STK17B: variants seen among roughly 807,000 people sequenced by gnomAD.
STK17B encodes the protein serine/threonine kinase 17b.
A neutral mutation model predicts 42.0 loss-of-function variants in STK17B; 21 were observed. The observed-to-expected ratio is 0.50, with a 90% CI of 0.35 to 0.72. The LOEUF (loss-of-function observed/expected upper bound fraction) is 0.72, where lower values mean the gene tolerates loss of function less well. STK17B is among the 30% of genes least tolerant of loss of function. The pLI, the probability that STK17B is intolerant of heterozygous loss-of-function variation, is 0.00. For synonymous variants in STK17B, 143 were observed against 148.4 expected, an observed-to-expected ratio of 0.96 and a Z score of 0.26; for missense variants, 349 against 446.0, an observed-to-expected ratio of 0.78 and a Z score of 1.96.
At position 196,136,860 on chromosome 2, in the gene STK17B, T is replaced by A. The variant is rs982194601; in HGVS notation, c.*587A>T. 1 of 152,278 alleles carries A rather than the reference T, an allele frequency of 6.6e-6. No individual in the cohort carries two copies. The highest frequency in any genetic ancestry group is 6.5e-5 in the Admixed American group (1 of 15,286). 9.4% of individuals were successfully genotyped at this position (152,278 alleles called of 1,614,324 possible). On this transcript the variant is annotated 3_prime_UTR_variant, in exon 8 of 8. Coordinates refer to ENST00000263955, the MANE Select transcript of STK17B (RefSeq NM_004226.4). ...CAGGTTTCTAACTCCCTCTTTGCTC[T>A]AGTTAAAGGATCTCTCTCATATAAC...
Position 196,156,629 on chromosome 2 carries a change from G to A in STK17B, c.145C>T (p.Gln49Ter), listed in dbSNP as rs1449036129. The change falls in exon 3 of 8, where the codon CAA becomes TAA. Residue 49 changes from glutamine (Q) to a stop codon, truncating the protein, a stop_gained. Transcript: ENST00000263955. LOFTEE classifies it high-confidence loss of function. Reference sequence around the variant, plus strand: ...TGGCCAGTAGATTTTGATATACATTGTCTAACCACAGCAAATTTTCCTCTG... The same window carrying A: ...TGGCCAGTAGATTTTGATATACATTATCTAACCACAGCAAATTTTCCTCTG... ...LGRGKFAVVRQCISKSTGQEY... is the reference protein window; with the variant it reads ...LGRGKFAVVR 6.2e-7 allele frequency: 1 copy of A among 1,611,866 alleles called. No individual in the cohort carries two copies. The highest frequency in any genetic ancestry group is 1.1e-5 in the South Asian group (1 of 90,592).
chr2:196,139,183 C>T (rs1699454588), intron 7 of STK17B, among the ~76,000 whole-genome samples: 3 of 151,946 alleles, frequency 2.0e-5, no homozygotes, highest in Admixed American at 2.0e-4. Flanking sequence ...CCAGGAGGGT[C>T]TCAATCTCCT....
At chr2:196,159,030 A>AC (rs1350542025) in intron 2 of STK17B, among the ~76,000 whole-genome samples, 2 of 151,888 alleles carry the variant, frequency 1.3e-5, no homozygotes, top group Admixed American at 1.3e-4. Context: ...AAAAACAAAA[A>AC]AACAGTTTTG....
intron 2 of STK17B, among the ~76,000 whole-genome samples, chr2:196,161,851 G>GCATCCAA (rs1313542890): frequency 6.6e-6 from 1 of 152,032 alleles, no homozygotes; most frequent in African/African-American, 2.4e-5. Context: ...AAGAAAGGCT[G>GCATCCAA]CATCCAACAT....
chr2:196,169,785 A>G (rs184313928), intron 1 of STK17B, among the ~76,000 whole-genome samples: 2 of 152,206 alleles, frequency 1.3e-5, no homozygotes, highest in Non-Finnish European at 2.9e-5. Context: ...CAACCATTCT[A>G]TTCACACACA....
chr2:196,138,382 C>T (rs1350940677), intron 7 of STK17B, among the ~76,000 whole-genome samples: 1 of 152,110 alleles, frequency 6.6e-6, no homozygotes, highest in Non-Finnish European at 1.5e-5. Context: ...ATGGATACAC[C>T]ATAATTTATT....
chr2:196,155,210 A>G (rs1273639062), intron 3 of STK17B, among the ~76,000 whole-genome samples: 3 of 152,256 alleles, frequency 2.0e-5, no homozygotes, highest in African/African-American at 7.2e-5. Flanking sequence ...TTTAAAGGTC[A>G]GCTGAAGAAT....
At chr2:196,146,204 A>G (rs1239056959) in intron 3 of STK17B, 149 bp from the exon 4 acceptor site, 1 of 889,556 alleles carries the variant, frequency 1.1e-6, no homozygotes. Flanking sequence ...GAGATCTTTA[A>G]GGAAAAAAAT....
chr2:196,151,081 G>A (rs902691093), intron 3 of STK17B, among the ~76,000 whole-genome samples: 1 of 152,170 alleles, frequency 6.6e-6, no homozygotes, highest in African/African-American at 2.4e-5. Context: ...ATCCTTTTCT[G>A]TTGGGTACTT....
At chr2:196,160,964 A>C (rs1699803750) in intron 2 of STK17B, among the ~76,000 whole-genome samples, 2 of 152,238 alleles carry the variant, frequency 1.3e-5, no homozygotes, top group Non-Finnish European at 2.9e-5. Context: ...AATACTTTAT[A>C]GATTTTTTAG....
Position 196,145,951 on chromosome 2 carries a change from TAA to T in STK17B, c.438_439del (p.Tyr147LeufsTer6). 6.2e-7 allele frequency: 1 copy of T among 1,600,104 alleles called. No homozygotes were observed. Among genetic ancestry groups the T allele is most frequent in the Non-Finnish European group, 8.5e-7 (1 of 1,176,570 alleles). On this transcript the variant is annotated frameshift_variant, in exon 4 of 8. Transcript: ENST00000263955. LOFTEE classifies it high-confidence loss of function. ...TACAATGTTATTCTGATGTAGATAATAAACTCCTTCAAGTATTTGTTTAATGA... is the reference window on the plus strand; with the variant it reads ...TACAATGTTATTCTGATGTAGATAATACTCCTTCAAGTATTTGTTTAATGA...
At chr2:196,154,727 A>C (rs1699716312) in intron 3 of STK17B, 1 of 152,228 alleles carries the variant, frequency 6.6e-6, no homozygotes, top group East Asian at 1.9e-4. Context: ...CACACTACTA[A>C]AACAACTAAA....
At position 196,136,269 on chromosome 2, in the gene STK17B, C is replaced by G. The variant is rs1462983770; in HGVS notation, c.*1178G>C. Reference sequence around the variant, plus strand: ...CCCCATCATTAGGGCTGGATATAGTCTCTAGCCATAAGCAAACATTTTGCT... The same window carrying G: ...CCCCATCATTAGGGCTGGATATAGTGTCTAGCCATAAGCAAACATTTTGCT... On this transcript the variant is annotated 3_prime_UTR_variant, in exon 8 of 8. Coordinates refer to ENST00000263955, the MANE Select transcript of STK17B (RefSeq NM_004226.4). 2.6e-5 allele frequency: 4 copies of G among 152,174 alleles called. No individual in the cohort carries two copies. The highest frequency in any genetic ancestry group is 1.9e-4 in the East Asian group (1 of 5,194). 9.4% of individuals were successfully genotyped at this position (152,174 alleles called of 1,614,324 possible).
intron 1 of STK17B, among the ~76,000 whole-genome samples, chr2:196,169,704 C>T (rs1007006281): frequency 1.3e-5 from 2 of 152,154 alleles, no homozygotes; most frequent in African/African-American, 2.4e-5. Flanking sequence ...AGTCAAACCT[C>T]CAACTTCCTA....
chr2:196,134,419 C>G lies in STK17B; in HGVS notation c.*3028G>C, dbSNP rs1402567941. 1.4e-4 allele frequency: 21 copies of G among 152,114 alleles called. 1 individual carries two copies. Among genetic ancestry groups the G allele is most frequent in the Admixed American group, 1.4e-3 (21 of 15,270 alleles). The allele number at this position is 152,114 out of a possible 1,614,324, so 9.4% of individuals were successfully genotyped here. A position where few individuals can be genotyped will look rare whatever the true frequency, so the allele number is the denominator to read the frequency against. On this transcript the variant is annotated 3_prime_UTR_variant, in exon 8 of 8. Coordinates refer to ENST00000263955, the MANE Select transcript of STK17B (RefSeq NM_004226.4). ...CGAATCCTGCTGTGAACCACACGTGCAAGAGATCTAGGTTGCATGCTCCTT... is the reference window on the plus strand; with the variant it reads ...CGAATCCTGCTGTGAACCACACGTGGAAGAGATCTAGGTTGCATGCTCCTT...
At chr2:196,158,068 C>T (rs1699761870) in intron 2 of STK17B, among the ~76,000 whole-genome samples, 1 of 152,152 alleles carries the variant, frequency 6.6e-6, no homozygotes, top group Admixed American at 6.5e-5. Context: ...GATTCTGATA[C>T]TAACAAATCA....
At chr2:196,150,845 T>C (rs998617087) in intron 3 of STK17B, among the ~76,000 whole-genome samples, 1 of 152,208 alleles carries the variant, frequency 6.6e-6, no homozygotes, top group Non-Finnish European at 1.5e-5. Context: ...ATTAGAATAT[T>C]AACTAGACAT....
chr2:196,163,117 TG>T, intron 2 of STK17B, 144 bp downstream of exon 2: 1 of 953,194 alleles, frequency 1.0e-6, no homozygotes, highest in Non-Finnish European at 1.5e-6. Flanking sequence ...CAGTTAAGAC[TG>T]GACCCTAGGT....
At chr2:196,175,874 A>G (rs938502614), upstream of STK17B, among the ~76,000 whole-genome samples, 2 of 152,266 alleles carry the variant, frequency 1.3e-5, no homozygotes, top group Admixed American at 6.5e-5. Context: ...CTTGCAGTTC[A>G]GTAACCCAAC....
Sources: gnomAD v4.1 joint callset for allele counts (sites outside exome capture counted in the v4.1 genomes callset) on GRCh38, gnomAD v4.1.1 for gene constraint, MANE v1.5 for transcripts, NCBI Gene and HGNC (gene_info 2026-07-23, HGNC 2026-07-21) for gene names.